The following RWDD4 variants were observed in gnomAD, a reference collection of about 807,000 sequenced individuals.
The protein encoded by RWDD4 is RWD domain-containing protein 4.
A neutral mutation model predicts 30.0 loss-of-function variants in RWDD4; 16 were observed. The observed-to-expected ratio is 0.53, with a 90% CI of 0.36 to 0.81. The LOEUF is 0.81. Among genes scored for constraint, RWDD4 ranks in the 30% least tolerant of loss-of-function variants. The pLI is 0.00. For synonymous variants in RWDD4, 45 were observed against 72.1 expected (o/e 0.62, Z 1.90); for missense variants, 170 against 223.9 (o/e 0.76, Z 1.54).
rs767442181 is a variant in RWDD4 at position 183,651,084 on chromosome 4, A to G, written c.263T>C (p.Val88Ala). The G allele has an allele frequency of 1.3e-5, 21 of 1,614,096 alleles. No homozygotes were observed. The highest frequency in any genetic ancestry group is 1.7e-5 in the Non-Finnish European group (20 of 1,179,980). The change falls in exon 4 of 8, where the codon GTA becomes GCA. Residue 88 changes from valine to alanine, a missense_variant. Physicochemically the swap from Val to Ala is moderately conservative, Grantham distance 64. Transcript: ENST00000326397. ...CATAGCGGTTCCAAGATTAGCTTCT[A>G]CTGCTTCCTGTAGCTTGGCTAATAT... ...QSILAKLQEA[V>A]EANLGTAMTY...
At chr4:183,656,528 A>T (rs537632846) in intron 1 of RWDD4, among the ~76,000 whole-genome samples, 1 of 152,354 alleles carries the variant, frequency 6.6e-6, no homozygotes, top group East Asian at 1.9e-4. Context: ...GTAACTAGTA[A>T]TCCTTGCTTG....
intron 1 of RWDD4, among the ~76,000 whole-genome samples, chr4:183,657,861 T>C (rs781258855): frequency 1.6e-4 from 25 of 152,204 alleles, no homozygotes; most frequent in Non-Finnish European, 3.2e-4. Context: ...CTTGTTAAAC[T>C]GGAGATTCCT....
intron 1 of RWDD4, among the ~76,000 whole-genome samples, chr4:183,656,692 G>C (rs1326943521): frequency 2.0e-5 from 3 of 152,190 alleles, no homozygotes; most frequent in Non-Finnish European, 4.4e-5. Context: ...ACAAACTAAA[G>C]ATGGTGAAAG....
At chr4:183,645,064 C>G (rs1026329375) in intron 7 of RWDD4, among the ~76,000 whole-genome samples, 7 of 152,172 alleles carry the variant, frequency 4.6e-5, no homozygotes, top group African/African-American at 1.7e-4. Flanking sequence ...CACGCCACTG[C>G]ACTCCAGCTT....
intron 4 of RWDD4, among the ~76,000 whole-genome samples, chr4:183,650,551 C>A (rs1021979428): frequency 6.6e-6 from 1 of 151,710 alleles, no homozygotes; most frequent in Non-Finnish European, 1.5e-5. Flanking sequence ...TTTTTCTATT[C>A]AATAAAGTTT....
rs1484966594 is a variant in RWDD4, at chr4:183,640,909, C to T, written c.*527G>A. On this transcript the variant is annotated 3_prime_UTR_variant, in exon 8 of 8. Transcript: ENST00000326397. ...ATCTTTCAAAAATTAAAAGAAACTA[C>T]AAAAAGTATCATGTATAAAGTTCAA... is the stretch of plus-strand genomic sequence containing the variant. 6.6e-6 allele frequency: 1 copy of T among 150,518 alleles called. No individual in the cohort carries two copies. The highest frequency in any genetic ancestry group is 1.5e-5 in the Non-Finnish European group (1 of 67,640). 9.3% of individuals were successfully genotyped at this position (150,518 alleles called of 1,614,324 possible).
At chr4:183,642,288 C>T (rs1238163631) in intron 7 of RWDD4, among the ~76,000 whole-genome samples, 1 of 101,658 alleles carries the variant, frequency 9.8e-6, no homozygotes, top group Non-Finnish European at 1.9e-5. Flanking sequence ...CTCCCGGGTT[C>T]ACGCCATTCT....
chr4:183,646,960 G>A (rs1174636065), intron 5 of RWDD4, among the ~76,000 whole-genome samples: 1 of 152,180 alleles, frequency 6.6e-6, no homozygotes, highest in Non-Finnish European at 1.5e-5. Flanking sequence ...GCTCAAGACA[G>A]GAGGACTCAC....
chr4:183,641,995 T>C (rs1284024010), intron 7 of RWDD4, among the ~76,000 whole-genome samples: 1 of 151,902 alleles, frequency 6.6e-6, no homozygotes, highest in Non-Finnish European at 1.5e-5. Context: ...GTTGGCAAAT[T>C]TGGGGTAAGG....
rs1003368785 is a variant in RWDD4 at position 183,652,235 on chromosome 4, G to C, written c.106-908C>G. ...TAAAAACTACCCAATCATATCTAAAGTGTCCTTTAATAGACATCACCTCAA... is the reference window on the plus strand; with the variant it reads ...TAAAAACTACCCAATCATATCTAAACTGTCCTTTAATAGACATCACCTCAA... On this transcript the variant is annotated intron_variant, in intron 2 of 7. Transcript: ENST00000326397. Among the ~76,000 whole-genome samples, 11 of 152,234 alleles carry C rather than the reference G, an allele frequency of 7.2e-5. No individual in the cohort carries two copies. The South Asian group carries it at 2.3e-3, about 32-fold the overall frequency.
At chr4:183,649,417 AAAAG>A in intron 5 of RWDD4, 30 bp downstream of exon 5, 3 of 1,356,224 alleles carry the variant, frequency 2.2e-6, no homozygotes, top group Non-Finnish European at 2.1e-6. Flanking sequence ...TCTGTCAAAA[AAAAG>A]AAAAGAAAAG....
intron 7 of RWDD4, among the ~76,000 whole-genome samples, chr4:183,642,594 T>C (rs893474658): frequency 6.6e-6 from 1 of 152,088 alleles, no homozygotes; most frequent in Non-Finnish European, 1.5e-5. Flanking sequence ...CAGCACAGTA[T>C]AAGTACTAAG....
At chr4:183,652,314 T>C (rs1027989304) in intron 2 of RWDD4, among the ~76,000 whole-genome samples, 3 of 151,650 alleles carry the variant, frequency 2.0e-5, no homozygotes, top group Admixed American at 1.3e-4. Flanking sequence ...TTGTTATGCC[T>C]CTTTATTCTG....
intron 5 of RWDD4, among the ~76,000 whole-genome samples, 186 bp from the exon 6 acceptor site, chr4:183,646,723 T>C (rs1733972764): frequency 6.6e-6 from 1 of 152,206 alleles, no homozygotes; most frequent in African/African-American, 2.4e-5. Context: ...CAAAATATTT[T>C]AGGTATACTC....
chr4:183,647,703 A>G (rs1733990377), intron 5 of RWDD4, among the ~76,000 whole-genome samples: 1 of 152,238 alleles, frequency 6.6e-6, no homozygotes, highest in Non-Finnish European at 1.5e-5. Flanking sequence ...TCAAAGAGAG[A>G]TAAACCAAAT....
chr4:183,647,360 A>G (rs1220788711), intron 5 of RWDD4, among the ~76,000 whole-genome samples: 2 of 152,224 alleles, frequency 1.3e-5, no homozygotes, highest in East Asian at 3.8e-4. Context: ...ACAGGAGAGA[A>G]GCAATATTAC....
chr4:183,649,875 T>A (rs955049169), intron 4 of RWDD4, among the ~76,000 whole-genome samples: 7 of 152,234 alleles, frequency 4.6e-5, no homozygotes, highest in Non-Finnish European at 2.9e-5. Context: ...TCAGTTAACT[T>A]GCTATTATTT....
intron 2 of RWDD4, among the ~76,000 whole-genome samples, chr4:183,652,615 T>G (rs544989508): frequency 2.2e-4 from 34 of 151,834 alleles, no homozygotes; most frequent in Non-Finnish European, 4.3e-4. Flanking sequence ...ATCGAGACCA[T>G]CCTGGCCAAC....
intron 4 of RWDD4, 96 bp from the exon 5 acceptor site, chr4:183,649,664 C>G (rs1262150858): frequency 1.2e-5 from 7 of 602,076 alleles, no homozygotes; most frequent in Admixed American, 2.9e-5. Context: ...AATTTTTACA[C>G]TTATGAAATA....
Sources: gnomAD v4.1 joint callset for allele counts (sites outside exome capture counted in the v4.1 genomes callset) on GRCh38, gnomAD v4.1.1 for gene constraint, MANE v1.5 for transcripts, NCBI Gene and HGNC (gene_info 2026-07-23, HGNC 2026-07-21) for gene names.